Variants in ELF4 observed in about 807,000 individuals in gnomAD.
ELF4 encodes the protein E74 like ETS transcription factor 4, also known as ETS-related transcription factor Elf-4.
In ELF4, 10 loss-of-function variants were observed where a neutral mutation model predicts 31.7. That is an observed-to-expected ratio of 0.32 (90% CI 0.19 to 0.54). The LOEUF (loss-of-function observed/expected upper bound fraction) is 0.54. Ranked by LOEUF, ELF4 falls within the 20% of genes least tolerant of loss-of-function variation. The pLI is 0.95. For missense variants in ELF4, 418 were observed against 522.0 expected, an observed-to-expected ratio of 0.80 and a Z score of 1.94; for synonymous variants, 208 against 226.7, an observed-to-expected ratio of 0.92 and a Z score of 0.74.
chrX:130,096,885 C>T (rs935727812), intron 1 of ELF4, among the ~76,000 whole-genome samples: 15 of 111,148 alleles, frequency 1.3e-4, no homozygotes, highest in Non-Finnish European at 2.1e-4. Context: ...ATTAATGTGG[C>T]CAAGTCCCTG....
At chrX:130,095,652 C>T (rs1250855366) in intron 1 of ELF4, among the ~76,000 whole-genome samples, 3 of 111,619 alleles carry the variant, frequency 2.7e-5, no homozygotes, top group Non-Finnish European at 5.6e-5. Context: ...CAATGGTGAC[C>T]ATGTGAGCTC....
intron 2 of ELF4, among the ~76,000 whole-genome samples, chrX:130,076,534 C>A (rs1254727606): frequency 8.9e-6 from 1 of 111,836 alleles, no homozygotes; most frequent in Non-Finnish European, 1.9e-5. Context: ...CAGGTTCAAG[C>A]AATTCTACTG....
Position 130,067,469 on chromosome X carries a change from G to C in ELF4, c.1244C>G (p.Ser415Trp). The C allele has an allele frequency of 8.3e-7, 1 of 1,211,799 alleles. No homozygotes were observed. The highest frequency in any genetic ancestry group is 1.1e-6 in the Non-Finnish European group (1 of 895,506). ...TGGGATCGTCTGCAGGGTCAGGGCCGAGCCCGACCCCACGGGGGCCACTCC... is the reference window on the plus strand; with the variant it reads ...TGGGATCGTCTGCAGGGTCAGGGCCCAGCCCGACCCCACGGGGGCCACTCC... ...HLGVAPVGSG[S>W]ALTLQTIPLT... The change falls in exon 9 of 9, where the codon TCG becomes TGG. Residue 415 changes from serine to tryptophan, a missense_variant. By Grantham distance (177) the Ser-to-Trp change is radical. Around this residue, in one of 4 missense-constraint regions of ELF4, gnomAD observed 260 missense variants for 269.2 expected, o/e 0.97. Transcript: ENST00000308167.
In ELF4 at chrX:130,066,420, T is replaced by C. The variant is rs1278530977; in HGVS notation, c.*301A>G. 2.8e-6 allele frequency: 1 copy of C among 351,733 alleles called. No individual in the cohort carries two copies. The highest frequency in any genetic ancestry group is 4.9e-6 in the Non-Finnish European group (1 of 202,861). The allele number at this position is 351,733 out of a possible 1,213,427, so 29.0% of individuals were successfully genotyped here. ...AGAAGGGCTCTTCTCACAAAGCTGC[T>C]GCACAAACCCTGGCCACAAACTTCT... On this transcript the variant is annotated 3_prime_UTR_variant, in exon 9 of 9. Transcript: ENST00000308167.
chrX:130,066,562 C>G lies in ELF4; in HGVS notation c.*159G>C. On this transcript the variant is annotated 3_prime_UTR_variant, in exon 9 of 9. Transcript: ENST00000308167. ...ATGCCAGGGATGCTTAAGCTGGGCACTGTTTGGCCACAGTGACACCAGGCA... is the reference window on the plus strand; with the variant it reads ...ATGCCAGGGATGCTTAAGCTGGGCAGTGTTTGGCCACAGTGACACCAGGCA... 1 of 557,375 alleles carries G rather than the reference C, an allele frequency of 1.8e-6. No individual in the cohort carries two copies. Among genetic ancestry groups the G allele is most frequent in the South Asian group, 2.8e-5 (1 of 35,648 alleles). 45.9% of individuals were successfully genotyped at this position (557,375 alleles called of 1,213,427 possible). A position where few individuals can be genotyped will look rare whatever the true frequency, so the allele number is the denominator to read the frequency against.
At chrX:130,076,718 A>T (rs1340542273) in intron 2 of ELF4, among the ~76,000 whole-genome samples, 1 of 112,431 alleles carries the variant, frequency 8.9e-6, no homozygotes, top group Non-Finnish European at 1.9e-5. Context: ...GACGTAAGCC[A>T]CTGTGCCTGG....
At chrX:130,073,541 C>T (rs919519688) in intron 4 of ELF4, among the ~76,000 whole-genome samples, 9 of 109,766 alleles carry the variant, frequency 8.2e-5, no homozygotes, top group African/African-American at 2.3e-4. Context: ...GACAGAGGTT[C>T]GCTCTTGTCA....
Position 130,103,766 on chromosome X carries a change from G to A in ELF4, c.-210+6559C>T, listed in dbSNP as rs983834435. 4.0e-4 allele frequency among the ~76,000 whole-genome samples: 45 copies of A among 112,550 alleles called. 1 individual carries two copies. Among genetic ancestry groups the A allele is most frequent in the Admixed American group, 3.9e-3 (42 of 10,678 alleles). ...ACTGAGGGGTGGGGACCAAGGGACT[G>A]AGTGGAGTGCTTTACTCAGGGGTGG... On this transcript the variant is annotated intron_variant, in intron 1 of 8. Coordinates refer to ENST00000308167, the MANE Select transcript of ELF4 (RefSeq NM_001421.4).
chrX:130,094,997 G>C (rs1231944517), intron 1 of ELF4, among the ~76,000 whole-genome samples: 1 of 111,895 alleles, frequency 8.9e-6, no homozygotes, highest in Non-Finnish European at 1.9e-5. Context: ...TGGCCACTGT[G>C]GTCTCAGGCA....
rs1399298643 is a variant in ELF4 at position 130,066,990 on chromosome X, G to A, written c.1723C>T (p.His575Tyr). 1 of 1,210,957 alleles carries A rather than the reference G, an allele frequency of 8.3e-7. No homozygotes were observed. Among genetic ancestry groups the A allele is most frequent in the Non-Finnish European group, 1.1e-6 (1 of 895,383 alleles). Residue 575 changes from histidine (H) to tyrosine (Y), a missense_variant, in exon 9 of 9, where the codon CAT becomes TAT. His to Tyr is a moderately conservative substitution (Grantham distance 83). Around this residue, in one of 4 missense-constraint regions of ELF4, gnomAD observed 260 missense variants for 269.2 expected, o/e 0.97. Coordinates refer to ENST00000308167, the MANE Select transcript of ELF4 (RefSeq NM_001421.4). ...ACCTGGGTTGGAAGTGGCTGAAGAT[G>A]AGCCTGATCTCTCAGGAGCTCCCTC... ...TLRELLRDQA[H>Y]LQPLPTQVVS...
chrX:130,066,779 G>C lies in ELF4; in HGVS notation c.1934C>G (p.Ala645Gly), dbSNP rs372576424. ...GSLLTRSPTP[A>G]PFSPFNPTSL... ...AGTAGGGTTGAATGGGGAGAAAGGG[G>C]CTGGGGTGGGGGATCTTGTCAGAAG... The change falls in exon 9 of 9, where the codon GCC becomes GGC. Residue 645 changes from alanine to glycine, a missense_variant. By Grantham distance (60) the Ala-to-Gly change is moderately conservative. Transcript: ENST00000308167. 8.3e-7 allele frequency: 1 copy of C among 1,207,496 alleles called. No individual in the cohort carries two copies. The highest frequency in any genetic ancestry group is 1.1e-6 in the Non-Finnish European group (1 of 894,107).
intron 1 of ELF4, among the ~76,000 whole-genome samples, chrX:130,082,476 G>A (rs1237178415): frequency 8.9e-6 from 1 of 112,223 alleles, no homozygotes; most frequent in Non-Finnish European, 1.9e-5. Flanking sequence ...AGGAGGGGCA[G>A]GCGGAACCTT....
At chrX:130,100,474 AG>A (rs1038543147) in intron 1 of ELF4, among the ~76,000 whole-genome samples, 9 of 102 alleles carry the variant, frequency 0.088, no homozygotes, top group African/African-American at 0.28. Flanking sequence ...CTTGAAGCCC[AG>A]TTGGTCTCCT....
In ELF4 at chrX:130,067,195, C is replaced by A. The variant is rs977406492; in HGVS notation, c.1518G>T (p.Gly506=). 3.3e-6 allele frequency: 4 copies of A among 1,209,965 alleles called. No individual in the cohort carries two copies. The African/African-American group carries it at 5.2e-5, about 16-fold the overall frequency. Residue 506 remains glycine (G), a synonymous_variant, in exon 9 of 9, where the codon GGG becomes GGT. Transcript: ENST00000308167. Reference sequence around the variant, plus strand: ...GAGAGCTGGGCCCTGCTGGTCCAGCCCCTGTGACCGTGGGTGGCGCCGGGT... The same window carrying A: ...GAGAGCTGGGCCCTGCTGGTCCAGCACCTGTGACCGTGGGTGGCGCCGGGT... ...PTNPAPPTVT[G]AGPAGPSSQP... is the part of the protein sequence containing the mutation.
At chrX:130,095,675 G>A (rs1315755262) in intron 1 of ELF4, among the ~76,000 whole-genome samples, 1 of 111,768 alleles carries the variant, frequency 8.9e-6, no homozygotes, top group Non-Finnish European at 1.9e-5. Flanking sequence ...GTGGCCAGCT[G>A]CGGAGAAGGA....
intron 1 of ELF4, among the ~76,000 whole-genome samples, chrX:130,099,496 C>T (rs1933208574): frequency 9.0e-6 from 1 of 110,709 alleles, no homozygotes; most frequent in Non-Finnish European, 1.9e-5. Context: ...ATTGCTTGAA[C>T]CCAGAAAGTG....
In ELF4 at chrX:130,064,308, T is replaced by G. The variant is rs1432905141; in HGVS notation, c.*2413A>C. Among the ~76,000 whole-genome samples the G allele has an allele frequency of 9.0e-6, 1 of 111,350 alleles. No individual in the cohort carries two copies. Among genetic ancestry groups the G allele is most frequent in the Non-Finnish European group, 1.9e-5 (1 of 53,081 alleles). ...CAAAAATTAGCTGGGCATGGTGGCATGTGCCTGTACTCCCAGCTACTCAGG... is the reference window on the plus strand; with the variant it reads ...CAAAAATTAGCTGGGCATGGTGGCAGGTGCCTGTACTCCCAGCTACTCAGG... On this transcript the variant is annotated 3_prime_UTR_variant, in exon 9 of 9. Transcript: ENST00000308167.
intron 5 of ELF4, among the ~76,000 whole-genome samples, chrX:130,071,798 C>G (rs1255753438): frequency 1.8e-5 from 2 of 112,516 alleles, no homozygotes; most frequent in African/African-American, 6.5e-5. Flanking sequence ...CTGAGTAAAT[C>G]AATAACACCG....
In ELF4 at chrX:130,069,491, G is replaced by T. The variant is rs747238991; in HGVS notation, c.996C>A (p.Ser332=). The T allele has an allele frequency of 4.1e-6, 5 of 1,211,469 alleles. No individual in the cohort carries two copies. The East Asian group carries it at 1.5e-4, about 36-fold the overall frequency. ...ASASTTRRTS[S]RVSSRSAPQG... ...GGGGGGCAGATCTGGATGAGACCCT[G>T]GAGCTGGTTCGCCGGGTGGTACTGG... is the stretch of plus-strand genomic sequence containing the variant. Residue 332 remains serine (S), a synonymous_variant, in exon 8 of 9, where the codon TCC becomes TCA. Transcript: ENST00000308167.
Sources: gnomAD v4.1 joint callset for allele counts (sites outside exome capture counted in the v4.1 genomes callset) on GRCh38, gnomAD v4.1.1 for gene constraint, gnomAD v4.1.1 regional missense constraint, MANE v1.5 for transcripts, NCBI Gene and HGNC (gene_info 2026-07-23, HGNC 2026-07-21) for gene names.